The following FAM227B variants were observed in gnomAD, a reference collection of about 807,000 sequenced individuals.
The protein encoded by FAM227B is protein FAM227B.
FAM227B carries 88 observed loss-of-function variants against 73.8 expected under a neutral mutation model. The ratio of observed to expected loss-of-function variants is 1.19; its 90% CI spans 1.00 to 1.42. FAM227B has a LOEUF of 1.42. Among genes scored for constraint, FAM227B ranks in the 40% most tolerant of loss-of-function variants. The pLI is 0.00. For missense variants in FAM227B, 632 were observed against 590.9 expected (o/e 1.07, Z -0.72); for synonymous variants, 210 against 190.5 (o/e 1.10, Z -0.84).
At chr15:49,422,118 CAT>C (rs2049691414) in intron 11 of FAM227B, among the ~76,000 whole-genome samples, 3 of 79,136 alleles carry the variant, frequency 3.8e-5, no homozygotes, top group Admixed American at 2.1e-4. Context: ...GTGCATTTCA[CAT>C]AGAGAGAGAG....
At chr15:49,488,183 G>C (rs568744006) in intron 11 of FAM227B, 5 of 151,908 alleles carry the variant, frequency 3.3e-5, no homozygotes, top group African/African-American at 1.2e-4. Flanking sequence ...TCTATTAACT[G>C]GTCTCTCTGG....
chr15:49,388,219 G>A (rs1315526490), intron 11 of FAM227B, among the ~76,000 whole-genome samples: 4 of 151,374 alleles, frequency 2.6e-5, no homozygotes, highest in Admixed American at 6.6e-5. Context: ...TCACATTACC[G>A]GACTTCAAAT....
chr15:49,328,242 C>T lies in FAM227B; in HGVS notation c.*326G>A. 2.0e-6 allele frequency: 3 copies of T among 1,498,676 alleles called. No homozygotes were observed. In the South Asian group the frequency reaches 4.0e-5, roughly 20 times the overall value. The allele number at this position is 1,498,676 out of a possible 1,614,324, so 92.8% of individuals were successfully genotyped here. On this transcript the variant is annotated 3_prime_UTR_variant, in exon 16 of 16. Transcript: ENST00000299338. ...TCTGTGCCACAGTAAATTAATCTTC[C>T]TTCTGTTTTGTATTATGATGAACGG...
intron 5 of FAM227B, among the ~76,000 whole-genome samples, chr15:49,580,298 T>C (rs2075730997): frequency 6.6e-6 from 1 of 152,184 alleles, no homozygotes; most frequent in Non-Finnish European, 1.5e-5. Flanking sequence ...GAAGAGCCAC[T>C]TGGCTGAGCG....
intron 9 of FAM227B, among the ~76,000 whole-genome samples, chr15:49,550,308 G>A (rs868684203): frequency 0.027 from 3,435 of 126,404 alleles, 165 homozygotes; most frequent in African/African-American, 0.099. Context: ...CTCACCTCCC[G>A]GACGGGGCGG....
chr15:49,468,432 T>C (rs545244956), intron 11 of FAM227B, among the ~76,000 whole-genome samples: 1 of 152,338 alleles, frequency 6.6e-6, no homozygotes, highest in South Asian at 2.1e-4. Context: ...ATTAGTTTTC[T>C]AATTTCTTTT....
chr15:49,379,057 T>C (rs2046351848), intron 11 of FAM227B, among the ~76,000 whole-genome samples: 1 of 152,168 alleles, frequency 6.6e-6, no homozygotes, highest in African/African-American at 2.4e-5. Flanking sequence ...AAGGATCATA[T>C]CATTTTTATC....
At chr15:49,507,494 C>T (rs963796691) in intron 11 of FAM227B, among the ~76,000 whole-genome samples, 4 of 152,000 alleles carry the variant, frequency 2.6e-5, no homozygotes, top group Non-Finnish European at 5.9e-5. Flanking sequence ...CTGATTTAAC[C>T]AGTCAGACAC....
chr15:49,396,042 G>A, intron 11 of FAM227B: 1 of 453,714 alleles, frequency 2.2e-6, no homozygotes, highest in Non-Finnish European at 4.4e-6. Context: ...CCCAGCGTGA[G>A]CGACGCAGAA....
chr15:49,556,162 C>T (rs1245272190), intron 9 of FAM227B, among the ~76,000 whole-genome samples: 1 of 152,088 alleles, frequency 6.6e-6, no homozygotes, highest in Non-Finnish European at 1.5e-5. Flanking sequence ...TTTTGAGTTC[C>T]CAGAGTTCTT....
rs371935352 is a variant in FAM227B, at chr15:49,381,734, C to G, written c.1013-10335G>C. On this transcript the variant is annotated intron_variant, in intron 11 of 15. Coordinates refer to ENST00000299338, the MANE Select transcript of FAM227B (RefSeq NM_152647.3). ...AAATATTAGAATGAGGAAGACAACA[C>G]TAATTGTTTTTTGTTTTTACACGTG... Among the ~76,000 whole-genome samples, 30 of 152,172 alleles carry G rather than the reference C, an allele frequency of 2.0e-4. 1 individual carries two copies. The South Asian group carries it at 3.5e-3, about 18-fold the overall frequency.
intron 10 of FAM227B, among the ~76,000 whole-genome samples, chr15:49,523,490 A>T (rs187079118): frequency 5.3e-4 from 81 of 152,310 alleles, no homozygotes; most frequent in African/African-American, 1.7e-3. Context: ...CCCTAAGTCC[A>T]TTAAATCTTT....
intron 15 of FAM227B, chr15:49,330,317 C>G (rs985043121): frequency 6.6e-6 from 1 of 152,158 alleles, no homozygotes; most frequent in African/African-American, 2.4e-5. Context: ...GCATTTAGAT[C>G]AGGGGTTATA....
chr15:49,598,261 T>C (rs532561341), intron 3 of FAM227B, among the ~76,000 whole-genome samples: 5 of 152,192 alleles, frequency 3.3e-5, no homozygotes, highest in African/African-American at 1.2e-4. Context: ...ATTTCTTTAA[T>C]AGTTAATTGC....
At chr15:49,568,598 C>T (rs752311691) in intron 8 of FAM227B, among the ~76,000 whole-genome samples, 8 of 151,920 alleles carry the variant, frequency 5.3e-5, no homozygotes, top group African/African-American at 7.2e-5. Flanking sequence ...ATCTTAAAGG[C>T]GTGCAGTAAA....
chr15:49,539,404 T>C (rs975753257), intron 10 of FAM227B, among the ~76,000 whole-genome samples: 1 of 152,120 alleles, frequency 6.6e-6, no homozygotes, highest in Non-Finnish European at 1.5e-5. Context: ...GTGGTAGTAG[T>C]GGTGGCATCA....
At chr15:49,552,577 C>T (rs1316765138) in intron 9 of FAM227B, among the ~76,000 whole-genome samples, 1 of 152,176 alleles carries the variant, frequency 6.6e-6, no homozygotes, top group Non-Finnish European at 1.5e-5. Flanking sequence ...TCTACCCCAT[C>T]TCTTTTTCTA....
chr15:49,489,779 GA>G (rs2056731451), intron 11 of FAM227B, among the ~76,000 whole-genome samples: 1 of 102,728 alleles, frequency 9.7e-6, no homozygotes, highest in African/African-American at 3.3e-5. Context: ...GATATATACA[GA>G]ACAGGAGATA....
At chr15:49,585,689 T>C (rs1414666253) in intron 5 of FAM227B, among the ~76,000 whole-genome samples, 1 of 151,806 alleles carries the variant, frequency 6.6e-6, no homozygotes, top group East Asian at 1.9e-4. Flanking sequence ...CCGGGGACTG[T>C]TGTGGGGTGG....
Sources: allele counts gnomAD v4.1 joint callset (sites outside exome capture counted in the v4.1 genomes callset), GRCh38; gene constraint gnomAD v4.1.1; transcripts MANE v1.5; gene names NCBI Gene and HGNC (gene_info 2026-07-23, HGNC 2026-07-21).